Variants in HECW2 observed in about 807,000 individuals in gnomAD.
HECW2 encodes E3 ubiquitin-protein ligase HECW2.
In HECW2, 61 loss-of-function variants were observed where a neutral mutation model predicts 175.2. That is an observed-to-expected ratio of 0.35 (90% CI 0.28 to 0.43). The LOEUF is 0.43. Ranked by LOEUF, HECW2 falls within the 20% of genes least tolerant of loss-of-function variation. HECW2 has a pLI of 1.00. For missense variants in HECW2, 1,524 were observed against 2,000.5 expected (o/e 0.76, Z 4.54); for synonymous variants, 671 against 731.0 (o/e 0.92, Z 1.32).
chr2:196,361,744 C>T (rs1053109686), intron 2 of HECW2: 1 of 961,462 alleles, frequency 1.0e-6, no homozygotes, highest in Non-Finnish European at 1.2e-6. Context: ...AACTGTAAAT[C>T]CCAAACAGCT....
rs573718334 is a variant in HECW2, at chr2:196,513,182, T to C, written c.-35-79724A>G. 3.8e-4 allele frequency among the ~76,000 whole-genome samples: 58 copies of C among 152,362 alleles called. 1 individual carries two copies. Among genetic ancestry groups the C allele is most frequent in the South Asian group, 1.4e-3 (7 of 4,830 alleles). ...ATTCTAAATTTTTGTAAGTAAATGT[T>C]GCTGTCTTTAAACATAAATCTACCA... On this transcript the variant is annotated intron_variant, in intron 1 of 28. Transcript: ENST00000644978.
At chr2:196,587,415 GA>G (rs1485890405) in intron 1 of HECW2, among the ~76,000 whole-genome samples, 1 of 152,154 alleles carries the variant, frequency 6.6e-6, no homozygotes, top group East Asian at 1.9e-4. Flanking sequence ...CTACTGTTCT[GA>G]AATTGTCACT....
At chr2:196,511,860 T>A (rs146001308) in intron 1 of HECW2, among the ~76,000 whole-genome samples, 1 of 152,100 alleles carries the variant, frequency 6.6e-6, no homozygotes, top group African/African-American at 2.4e-5. Flanking sequence ...AGAAAAAAAG[T>A]AGCTATTCAG....
At chr2:196,465,069 C>T (rs1405378499) in intron 1 of HECW2, among the ~76,000 whole-genome samples, 1 of 152,182 alleles carries the variant, frequency 6.6e-6, no homozygotes, top group Admixed American at 6.5e-5. Context: ...CCCTTACTTG[C>T]CTGTAATCCT....
chr2:196,459,301 T>TGGGCTTAGAAA lies in HECW2; in HGVS notation c.-35-25854_-35-25844dup, dbSNP rs1455615750. On this transcript the variant is annotated intron_variant, in intron 1 of 28. Transcript: ENST00000644978. ...ATGTAGACTATGAGAAATACAGAAG[T>TGGGCTTAGAAA]GGGCTTAGAAACTCCAATGAGCCTT... 2.7e-4 allele frequency among the ~76,000 whole-genome samples: 41 copies of TGGGCTTAGAAA among 152,078 alleles called. No homozygotes were observed. In the East Asian group the frequency reaches 7.5e-3, roughly 28 times the overall value.
At chr2:196,513,843 T>G (rs1350963105) in intron 1 of HECW2, among the ~76,000 whole-genome samples, 1 of 152,172 alleles carries the variant, frequency 6.6e-6, no homozygotes, top group African/African-American at 2.4e-5. Flanking sequence ...ATGAAGTAAG[T>G]ACAGAAATAG....
At chr2:196,590,008 A>G (rs1169696782) in intron 1 of HECW2, among the ~76,000 whole-genome samples, 1 of 152,120 alleles carries the variant, frequency 6.6e-6, no homozygotes, top group Non-Finnish European at 1.5e-5. Context: ...TTTTTCTTAT[A>G]TATTTTTCAG....
intron 1 of HECW2, among the ~76,000 whole-genome samples, chr2:196,561,658 G>A (rs548232493): frequency 1.1e-4 from 17 of 152,056 alleles, no homozygotes; most frequent in South Asian, 6.3e-4. Flanking sequence ...TTCTCAGACC[G>A]GCCGGCACTT....
At chr2:196,348,021 C>T (rs573041158) in intron 2 of HECW2, among the ~76,000 whole-genome samples, 3 of 152,388 alleles carry the variant, frequency 2.0e-5, no homozygotes, top group African/African-American at 7.2e-5. Flanking sequence ...CCTACTGTGG[C>T]TAGCAGAGCT....
At chr2:196,328,381 C>G (rs891218593) in intron 5 of HECW2, among the ~76,000 whole-genome samples, 2 of 152,124 alleles carry the variant, frequency 1.3e-5, no homozygotes, top group Non-Finnish European at 2.9e-5. Context: ...CAAATTTGAA[C>G]CATAAGTCAC....
chr2:196,271,181 T>C lies in HECW2; in HGVS notation c.3335+12A>G, dbSNP rs369839065. The C allele has an allele frequency of 4.6e-5, 68 of 1,491,718 alleles. No individual in the cohort carries two copies. The highest frequency in any genetic ancestry group is 6.2e-5 in the Non-Finnish European group (66 of 1,069,688). 92.4% of individuals were successfully genotyped at this position (1,491,718 alleles called of 1,614,324 possible). A position where few individuals can be genotyped will look rare whatever the true frequency, so the allele number is the denominator to read the frequency against. ...TTATGCAACTTGAACCAAATACCAA[T>C]ATTATTGTTACCTGAGTGAGTGATT... On this transcript the variant is annotated intron_variant, in intron 17 of 28. Transcript: ENST00000644978.
chr2:196,516,409 CTT>C (rs59790937), intron 1 of HECW2, among the ~76,000 whole-genome samples: 52,609 of 151,972 alleles, frequency 0.35, 12,495 homozygotes, highest in African/African-American at 0.68. Context: ...TACACACACA[CTT>C]TTTCAAGGAA....
chr2:196,357,157 T>TC (rs1693402001), intron 2 of HECW2, among the ~76,000 whole-genome samples: 1 of 152,212 alleles, frequency 6.6e-6, no homozygotes, highest in Non-Finnish European at 1.5e-5. Flanking sequence ...ACACGATGCT[T>TC]CATGCCCAGG....
chr2:196,216,177 A>G (rs893905224), intron 27 of HECW2, among the ~76,000 whole-genome samples, 200 bp from the exon 28 acceptor site: 1 of 152,236 alleles, frequency 6.6e-6, no homozygotes, highest in African/African-American at 2.4e-5. Context: ...AATACTGTGC[A>G]TGATAAAGGG....
intron 14 of HECW2, among the ~76,000 whole-genome samples, chr2:196,280,199 A>G (rs1690132820): frequency 6.6e-6 from 1 of 152,252 alleles, no homozygotes; most frequent in African/African-American, 2.4e-5. Context: ...CTCAGTACCT[A>G]TAAACCAAGT....
intron 1 of HECW2, among the ~76,000 whole-genome samples, chr2:196,470,053 A>G (rs530166353): frequency 6.6e-6 from 1 of 152,274 alleles, no homozygotes; most frequent in South Asian, 2.1e-4. Flanking sequence ...CTATAAAAGA[A>G]TGATCAGAAA....
intron 1 of HECW2, among the ~76,000 whole-genome samples, chr2:196,574,366 G>A (rs1350717673): frequency 6.6e-6 from 1 of 151,996 alleles, no homozygotes; most frequent in East Asian, 1.9e-4. Flanking sequence ...GGAGGCAGAG[G>A]TTGCGGTGAG....
chr2:196,540,117 A>G (rs1689162151), intron 1 of HECW2, among the ~76,000 whole-genome samples: 1 of 152,204 alleles, frequency 6.6e-6, no homozygotes, highest in Non-Finnish European at 1.5e-5. Flanking sequence ...GTTGTACTAT[A>G]TTTTTGGGAA....
intron 2 of HECW2, among the ~76,000 whole-genome samples, chr2:196,377,968 C>G (rs1276022362): frequency 6.6e-6 from 1 of 152,164 alleles, no homozygotes; most frequent in Non-Finnish European, 1.5e-5. Flanking sequence ...TCTCACAAAG[C>G]ATTTCTGCAA....
Sources: allele counts gnomAD v4.1 joint callset (sites outside exome capture counted in the v4.1 genomes callset), GRCh38; gene constraint gnomAD v4.1.1; transcripts MANE v1.5; gene names NCBI Gene and HGNC (gene_info 2026-07-23, HGNC 2026-07-21).